The following SEMA5A variants were observed in gnomAD, a reference collection of about 807,000 sequenced individuals.
The protein encoded by SEMA5A is semaphorin 5A, also known as semaphorin-5A.
A neutral mutation model predicts 135.5 loss-of-function variants in SEMA5A; 55 were observed. The observed-to-expected ratio is 0.41, with a 90% CI of 0.33 to 0.51. The LOEUF (loss-of-function observed/expected upper bound fraction) is 0.51, where lower values mean the gene tolerates loss of function less well. Ranked by LOEUF, SEMA5A falls within the 20% of genes least tolerant of loss-of-function variation. The pLI is 0.37. For synonymous variants in SEMA5A, 580 were observed against 546.5 expected (o/e 1.06, Z -0.85); for missense variants, 1,290 against 1,419.9 (o/e 0.91, Z 1.47).
In SEMA5A at chr5:9,289,265, A is replaced by C. The variant is rs538815190; in HGVS notation, c.270+29107T>G. On this transcript the variant is annotated intron_variant, in intron 5 of 22. Transcript: ENST00000382496. Reference sequence around the variant, plus strand: ...TGATTGATATTATAAAGTAAATATTATGTTATAGTCTGATTTAACAAAACT... The same window carrying C: ...TGATTGATATTATAAAGTAAATATTCTGTTATAGTCTGATTTAACAAAACT... Among the ~76,000 whole-genome samples the C allele has an allele frequency of 2.0e-5, 3 of 152,386 alleles. No homozygotes were observed. The South Asian group carries it at 6.2e-4, about 32-fold the overall frequency.
chr5:9,318,379 A>G lies in SEMA5A; in HGVS notation c.263T>C (p.Leu88Pro). ...AAAATAAATTGCACCTACCTGGATA[A>G]GAGACAGATCCTCAAGCTGTAACCT... ...LFRLQLEDLSLIQAVEWECDE... is the reference protein window; with the variant it reads ...LFRLQLEDLSPIQAVEWECDE... The change falls in exon 5 of 23, where the codon CTT becomes CCT. Residue 88 changes from leucine to proline, a missense_variant. Physicochemically the swap from Leu to Pro is moderately conservative, Grantham distance 98. Around this residue, in one of 3 missense-constraint regions of SEMA5A, gnomAD observed 116 missense variants for 121.3 expected, o/e 0.96. Transcript: ENST00000382496. 3 of 1,612,708 alleles carry G rather than the reference A, an allele frequency of 1.9e-6. No homozygotes were observed. Among genetic ancestry groups the G allele is most frequent in the Non-Finnish European group, 2.5e-6 (3 of 1,179,414 alleles).
At chr5:9,129,822 T>G (rs1741311540) in intron 13 of SEMA5A, among the ~76,000 whole-genome samples, 1 of 152,178 alleles carries the variant, frequency 6.6e-6, no homozygotes, top group African/African-American at 2.4e-5. Context: ...TCAACACATC[T>G]GTAGCACCTA....
At chr5:9,288,798 A>G (rs536753334) in intron 5 of SEMA5A, among the ~76,000 whole-genome samples, 6 of 152,356 alleles carry the variant, frequency 3.9e-5, no homozygotes, top group African/African-American at 1.4e-4. Flanking sequence ...GATTAAGCCC[A>G]CAGTAGCTAA....
intron 2 of SEMA5A, among the ~76,000 whole-genome samples, chr5:9,435,977 T>C (rs1418830783): frequency 6.6e-6 from 1 of 152,216 alleles, no homozygotes; most frequent in Non-Finnish European, 1.5e-5. Flanking sequence ...GTTCTTATTC[T>C]AGGGAGGCAT....
chr5:9,494,780 G>T (rs140316100), intron 1 of SEMA5A, among the ~76,000 whole-genome samples: 3 of 152,126 alleles, frequency 2.0e-5, no homozygotes, highest in Admixed American at 6.5e-5. Flanking sequence ...AATACCATGG[G>T]TTAAATTTAG....
At chr5:9,095,246 G>C (rs1325147014) in intron 16 of SEMA5A, among the ~76,000 whole-genome samples, 1 of 152,110 alleles carries the variant, frequency 6.6e-6, no homozygotes. Context: ...AGGCCTGTCG[G>C]TGGGGGTCTG....
intron 13 of SEMA5A, among the ~76,000 whole-genome samples, chr5:9,134,391 T>A (rs779595018): frequency 5.9e-5 from 9 of 152,302 alleles, no homozygotes; most frequent in South Asian, 4.1e-4. Context: ...CAAGCAATCC[T>A]CCTGTCTCAG....
chr5:9,144,739 T>C (rs1302606037), intron 12 of SEMA5A, among the ~76,000 whole-genome samples: 1 of 152,228 alleles, frequency 6.6e-6, no homozygotes, highest in African/African-American at 2.4e-5. Flanking sequence ...TGCAAATCCA[T>C]GGACAGATGC....
At chr5:9,507,228 T>C (rs1735938061) in intron 1 of SEMA5A, among the ~76,000 whole-genome samples, 1 of 152,198 alleles carries the variant, frequency 6.6e-6, no homozygotes, top group African/African-American at 2.4e-5. Context: ...AGTGGGTGTG[T>C]ATCTCCATTA....
At position 9,237,903 on chromosome 5, in the gene SEMA5A, C is replaced by G; in HGVS notation, c.271-13G>C. On this transcript the variant is annotated splice_polypyrimidine_tract_variant and intron_variant, in intron 5 of 22. Transcript: ENST00000382496. ...CCCATTCCACAGCCTGTAGAAAACACCAAAACAATAGCAGTCATGGTTTTG... is the reference window on the plus strand; with the variant it reads ...CCCATTCCACAGCCTGTAGAAAACAGCAAAACAATAGCAGTCATGGTTTTG... 6.2e-7 allele frequency: 1 copy of G among 1,612,634 alleles called. No homozygotes were observed. Among genetic ancestry groups the G allele is most frequent in the Non-Finnish European group, 8.5e-7 (1 of 1,178,960 alleles).
chr5:9,505,344 A>T (rs145229433), intron 1 of SEMA5A, among the ~76,000 whole-genome samples: 116 of 152,224 alleles, frequency 7.6e-4, no homozygotes, highest in African/African-American at 2.6e-3. Flanking sequence ...ATTTAGTATA[A>T]TTTTTTAAAA....
chr5:9,285,944 C>T (rs902624214), intron 5 of SEMA5A, among the ~76,000 whole-genome samples: 2 of 152,178 alleles, frequency 1.3e-5, no homozygotes, highest in Non-Finnish European at 2.9e-5. Flanking sequence ...TGAGGTGATG[C>T]ATACCCCAAT....
intron 1 of SEMA5A, among the ~76,000 whole-genome samples, chr5:9,491,422 T>C (rs1304492752): frequency 1.3e-5 from 2 of 152,066 alleles, no homozygotes; most frequent in African/African-American, 4.8e-5. Context: ...CCAATGTAGG[T>C]TGATCGATTG....
chr5:9,242,071 T>C (rs1420724830), intron 5 of SEMA5A, among the ~76,000 whole-genome samples: 1 of 152,252 alleles, frequency 6.6e-6, no homozygotes, highest in Non-Finnish European at 1.5e-5. Flanking sequence ...CATATTCTTA[T>C]GTCATGTATT....
intron 16 of SEMA5A, among the ~76,000 whole-genome samples, chr5:9,089,932 TA>T (rs1241572510): frequency 3.9e-5 from 6 of 152,192 alleles, no homozygotes; most frequent in Admixed American, 2.0e-4. Context: ...CTTGTTAACA[TA>T]AAATGTATTA....
intron 3 of SEMA5A, among the ~76,000 whole-genome samples, chr5:9,358,193 G>A (rs1360459820): frequency 6.6e-6 from 1 of 152,102 alleles, no homozygotes; most frequent in East Asian, 1.9e-4. Context: ...TTGGTGCCTG[G>A]GCGCTCCAGT....
intron 12 of SEMA5A, among the ~76,000 whole-genome samples, chr5:9,149,199 G>A (rs1311891982): frequency 6.6e-6 from 1 of 152,164 alleles, no homozygotes; most frequent in Non-Finnish European, 1.5e-5. Flanking sequence ...TATGGTCTAT[G>A]GCTGCTTTCA....
rs1561011391 is a variant in SEMA5A, at chr5:9,197,781, TGTG to T, written c.933-481_933-479del. Among the ~76,000 whole-genome samples the T allele has an allele frequency of 5.2e-3, 521 of 100,646 alleles. 2 individuals are homozygous for T. The highest frequency in any genetic ancestry group is 8.3e-3 in the South Asian group (26 of 3,114). The allele number at this position is 100,646 out of a possible 152,430, so 66.0% of individuals were successfully genotyped here. On this transcript the variant is annotated intron_variant, in intron 9 of 22. Coordinates refer to ENST00000382496, the MANE Select transcript of SEMA5A (RefSeq NM_003966.3). ...GTGTGTGTGTGTGTGTGTGTGTGTG[TGTG>T]TTTTAACCCAGATATTTGTTTTATT... is the stretch of plus-strand genomic sequence containing the variant.
chr5:9,277,349 G>A (rs1579771768), intron 5 of SEMA5A, among the ~76,000 whole-genome samples: 1 of 152,144 alleles, frequency 6.6e-6, no homozygotes. Context: ...AAATAGGAAT[G>A]CTTTTACACT....
Sources: gnomAD v4.1 joint callset for allele counts (sites outside exome capture counted in the v4.1 genomes callset) on GRCh38, gnomAD v4.1.1 for gene constraint, gnomAD v4.1.1 regional missense constraint, MANE v1.5 for transcripts, NCBI Gene and HGNC (gene_info 2026-07-23, HGNC 2026-07-21) for gene names.